SGCD: variants seen among roughly 807,000 people sequenced by gnomAD.
The protein encoded by SGCD is sarcoglycan delta, also known as delta-sarcoglycan.
Under a neutral mutation model 36.6 loss-of-function variants are expected in SGCD, and 18 were observed. The ratio of observed to expected loss-of-function variants is 0.49; its 90% CI spans 0.34 to 0.73. The LOEUF is 0.73. SGCD is among the 30% of genes least tolerant of loss of function. The pLI, the probability that SGCD is intolerant of heterozygous loss-of-function variation, is 0.01. For synonymous variants in SGCD, 133 were observed against 130.6 expected (o/e 1.02, Z -0.12); for missense variants, 387 against 346.7 (o/e 1.12, Z -0.92).
chr5:155,818,476 A>T, the SGCD span, among the ~76,000 whole-genome samples: 3 of 152,076 alleles, frequency 2.0e-5, no homozygotes, highest in Non-Finnish European at 4.4e-5. Flanking sequence ...CAGGCCTGAG[A>T]GGTGTGACTT....
intron 3 of SGCD, among the ~76,000 whole-genome samples, chr5:156,405,248 A>G (rs1213171739): frequency 1.3e-5 from 2 of 152,200 alleles, no homozygotes; most frequent in South Asian, 2.1e-4. Context: ...AGAGCACCCA[A>G]TTCTCTGTCT....
intron 1 of SGCD, among the ~76,000 whole-genome samples, chr5:155,871,848 C>A (rs1422946769): frequency 1.3e-5 from 2 of 152,148 alleles, no homozygotes; most frequent in Admixed American, 1.3e-4. Context: ...CAACAGGTGG[C>A]AACCATCCAA....
intron 1 of SGCD, among the ~76,000 whole-genome samples, chr5:156,109,802 T>C (rs1761741010): frequency 6.6e-6 from 1 of 152,132 alleles, no homozygotes; most frequent in Non-Finnish European, 1.5e-5. Flanking sequence ...TCCTAATCCA[T>C]TTACTGCCCT....
chr5:156,266,404 T>C (rs1464027248), intron 3 of SGCD, among the ~76,000 whole-genome samples: 2 of 152,196 alleles, frequency 1.3e-5, no homozygotes, highest in Non-Finnish European at 2.9e-5. Context: ...CAATCTAATA[T>C]CAATATAAGG....
At chr5:156,014,534 A>G (rs1272412743) in intron 1 of SGCD, among the ~76,000 whole-genome samples, 2 of 152,110 alleles carry the variant, frequency 1.3e-5, no homozygotes, top group African/African-American at 2.4e-5. Context: ...TAATGTTTCA[A>G]TGTTTACATG....
intron 1 of SGCD, among the ~76,000 whole-genome samples, chr5:155,936,602 G>A (rs1757207231): frequency 1.3e-5 from 2 of 152,206 alleles, no homozygotes; most frequent in Non-Finnish European, 2.9e-5. Flanking sequence ...GAGGTACATG[G>A]TGATTGGTCC....
chr5:156,524,094 CTATATA>C (rs60414987), intron 4 of SGCD, among the ~76,000 whole-genome samples: 355 of 40,296 alleles, frequency 8.8e-3, no homozygotes, highest in East Asian at 9.0e-3. Flanking sequence ...TGAGGTCTTA[CTATATA>C]TATATATATA....
intron 7 of SGCD, among the ~76,000 whole-genome samples, chr5:156,746,692 A>G (rs1186347607): frequency 1.3e-5 from 2 of 152,222 alleles, no homozygotes; most frequent in African/African-American, 2.4e-5. Context: ...AAAAATGAAC[A>G]CTATTCTTAA....
At chr5:156,710,755 A>T (rs989455269) in intron 7 of SGCD, among the ~76,000 whole-genome samples, 1 of 152,200 alleles carries the variant, frequency 6.6e-6, no homozygotes, top group Admixed American at 6.5e-5. Context: ...TACAATGTAG[A>T]TGAAGTCTCA....
At chr5:156,200,929 C>T (rs146625241) in intron 3 of SGCD, among the ~76,000 whole-genome samples, 1 of 152,290 alleles carries the variant, frequency 6.6e-6, no homozygotes, top group Admixed American at 6.5e-5. Context: ...AGGACATCCT[C>T]TTACATGTGT....
chr5:156,409,889 T>C (rs1428280073), intron 3 of SGCD, among the ~76,000 whole-genome samples: 1 of 152,190 alleles, frequency 6.6e-6, no homozygotes, highest in Non-Finnish European at 1.5e-5. Context: ...CCATTATTTT[T>C]CTTTCCTCCA....
chr5:156,013,206 G>A (rs1194818552), intron 1 of SGCD, among the ~76,000 whole-genome samples: 1 of 151,700 alleles, frequency 6.6e-6, no homozygotes, highest in African/African-American at 2.4e-5. Flanking sequence ...TGTATTTTTA[G>A]TAGAGATGGA....
At chr5:156,634,260 T>C (rs1260874934) in intron 6 of SGCD, among the ~76,000 whole-genome samples, 4 of 146,424 alleles carry the variant, frequency 2.7e-5, no homozygotes, top group Non-Finnish European at 6.0e-5. Context: ...CTGGGGCCTG[T>C]TGGGGTGGGG....
intron 3 of SGCD, among the ~76,000 whole-genome samples, chr5:156,360,934 G>A (rs1009474130): frequency 1.3e-5 from 2 of 152,062 alleles, no homozygotes; most frequent in South Asian, 2.1e-4. Context: ...CACACCAGCC[G>A]TTTGCTCTCA....
At chr5:156,572,520 G>A (rs1018386948) in intron 4 of SGCD, among the ~76,000 whole-genome samples, 3 of 152,034 alleles carry the variant, frequency 2.0e-5, no homozygotes, top group Non-Finnish European at 2.9e-5. Flanking sequence ...GTTGTTGTTA[G>A]CCTAACATTG....
intron 3 of SGCD, among the ~76,000 whole-genome samples, chr5:156,405,411 G>T (rs770940511): frequency 6.6e-6 from 1 of 152,136 alleles, no homozygotes; most frequent in Non-Finnish European, 1.5e-5. Flanking sequence ...TTTATGAAAT[G>T]ATCATCCTAG....
At chr5:156,541,993 A>G (rs1176395845) in intron 4 of SGCD, among the ~76,000 whole-genome samples, 1 of 152,162 alleles carries the variant, frequency 6.6e-6, no homozygotes, top group African/African-American at 2.4e-5. Flanking sequence ...GCATCTGTTG[A>G]ATGTTCATTA....
chr5:156,004,619 C>T (rs1381245289), intron 1 of SGCD, among the ~76,000 whole-genome samples: 1 of 152,210 alleles, frequency 6.6e-6, no homozygotes, highest in Non-Finnish European at 1.5e-5. Context: ...AACTCTTCCA[C>T]ACTGTGTTTT....
chr5:156,310,537 A>G (rs961582705), intron 3 of SGCD, among the ~76,000 whole-genome samples: 1 of 152,186 alleles, frequency 6.6e-6, no homozygotes, highest in Non-Finnish European at 1.5e-5. Flanking sequence ...AAAATTAACC[A>G]CAGTTTACTG....
Sources: allele counts gnomAD v4.1 joint callset (sites outside exome capture counted in the v4.1 genomes callset), GRCh38; gene constraint gnomAD v4.1.1; transcripts MANE v1.5; gene names NCBI Gene and HGNC (gene_info 2026-07-23, HGNC 2026-07-21).